Variants in UBE2Q2 observed in about 807,000 individuals in gnomAD.
UBE2Q2 encodes the protein ubiquitin-conjugating enzyme E2 Q2.
In UBE2Q2, 54 loss-of-function variants were observed where a neutral mutation model predicts 59.9. The observed-to-expected ratio is 0.90, with a 90% confidence interval of 0.72 to 1.13. The LOEUF is 1.13. UBE2Q2 is among the 50% of genes most tolerant of loss of function. The pLI is 0.00. For missense variants in UBE2Q2, 433 were observed against 441.9 expected, an observed-to-expected ratio of 0.98 and a Z score of 0.18; for synonymous variants, 165 against 155.2, an observed-to-expected ratio of 1.06 and a Z score of -0.47.
At chr15:75,867,411 T>C (rs1897556113) in intron 3 of UBE2Q2, among the ~76,000 whole-genome samples, 1 of 152,214 alleles carries the variant, frequency 6.6e-6, no homozygotes, top group Non-Finnish European at 1.5e-5. Context: ...GCAGTCTGAT[T>C]CCATCTCCTT....
chr15:75,852,393 T>A (rs903560208), intron 1 of UBE2Q2, among the ~76,000 whole-genome samples: 1 of 152,126 alleles, frequency 6.6e-6, no homozygotes, highest in Non-Finnish European at 1.5e-5. Context: ...GACCTGGGGG[T>A]CTGAGGTCCC....
Position 75,857,444 on chromosome 15 carries a change from C to T in UBE2Q2, c.283-2434C>T, listed in dbSNP as rs574488835. The stretch of plus-strand genomic sequence containing the variant: ...TTTACATGAAGGAGAAAACAACTCA[C>T]CTCCCACTCTTGCAGCCTCTGCCAG... On this transcript the variant is annotated intron_variant, in intron 2 of 12. Coordinates refer to ENST00000267938, the MANE Select transcript of UBE2Q2 (RefSeq NM_173469.4). Among the ~76,000 whole-genome samples, 6 of 152,282 alleles carry T rather than the reference C, an allele frequency of 3.9e-5. No homozygotes were observed. In the East Asian group the frequency reaches 1.2e-3, roughly 29 times the overall value.
Position 75,843,532 on chromosome 15 carries a change from A to T in UBE2Q2, c.-135A>T. 1 of 486,960 alleles carries T rather than the reference A, an allele frequency of 2.1e-6. No individual in the cohort carries two copies. Among genetic ancestry groups the T allele is most frequent in the Non-Finnish European group, 3.0e-6 (1 of 329,098 alleles). The allele number at this position is 486,960 out of a possible 1,614,324, so 30.2% of individuals were successfully genotyped here. On this transcript the variant is annotated 5_prime_UTR_variant, in exon 1 of 13. Transcript: ENST00000267938. ...CCTCGCCATTTTCCAGCAGCGCTCG[A>T]CGAGGCGGAGCCGCGAGAGCGCGGC...
chr15:75,844,228 G>GT, intron 1 of UBE2Q2: 1 of 1,480,084 alleles, frequency 6.8e-7, no homozygotes, highest in East Asian at 2.5e-5. Context: ...TCCGGCTGTT[G>GT]TTTGAGCCCA....
chr15:75,864,423 A>G (rs1897350479), intron 3 of UBE2Q2, among the ~76,000 whole-genome samples: 1 of 152,144 alleles, frequency 6.6e-6, no homozygotes, highest in Non-Finnish European at 1.5e-5. Context: ...TAAACATCCT[A>G]CAACACACAG....
intron 11 of UBE2Q2, among the ~76,000 whole-genome samples, chr15:75,891,402 A>T (rs1385526079): frequency 6.6e-6 from 1 of 151,970 alleles, no homozygotes; most frequent in Non-Finnish European, 1.5e-5. Context: ...TATAGAACTA[A>T]TTCCTGGTAA....
At chr15:75,844,207 G>A (rs1450846896) in intron 1 of UBE2Q2, 1 of 1,461,494 alleles carries the variant, frequency 6.8e-7, no homozygotes, top group African/African-American at 1.4e-5. Flanking sequence ...GGCGGGGCGG[G>A]GCGGCGCAGC....
At chr15:75,882,936 C>T (rs1333675248) in intron 8 of UBE2Q2, among the ~76,000 whole-genome samples, 2 of 151,990 alleles carry the variant, frequency 1.3e-5, no homozygotes, top group African/African-American at 4.8e-5. Flanking sequence ...AGCTTGTGAA[C>T]CTCTTCTTTT....
At chr15:75,843,982 G>T in intron 1 of UBE2Q2, 136 bp downstream of exon 1, 3 of 1,403,806 alleles carry the variant, frequency 2.1e-6, no homozygotes, top group Non-Finnish European at 2.8e-6. Context: ...TTTCCCCCGC[G>T]ACTTGCCCAT....
chr15:75,883,499 A>G (rs1898568342), intron 9 of UBE2Q2, 75 bp downstream of exon 9: 17 of 1,074,296 alleles, frequency 1.6e-5, no homozygotes, highest in Non-Finnish European at 2.4e-5. Context: ...ACGAGATCTC[A>G]CTATGTTGCC....
At chr15:75,850,311 T>C (rs1318054745) in intron 1 of UBE2Q2, among the ~76,000 whole-genome samples, 3 of 152,236 alleles carry the variant, frequency 2.0e-5, no homozygotes. Context: ...TCATCTCTTT[T>C]CTCCGATGCT....
intron 8 of UBE2Q2, among the ~76,000 whole-genome samples, chr15:75,881,880 G>A (rs137933994): frequency 2.0e-5 from 3 of 152,104 alleles, no homozygotes; most frequent in African/African-American, 7.2e-5. Context: ...ACTTTAAGAA[G>A]GGTCTATTTA....
At chr15:75,882,142 C>T (rs896964109) in intron 8 of UBE2Q2, among the ~76,000 whole-genome samples, 2 of 152,226 alleles carry the variant, frequency 1.3e-5, no homozygotes, top group African/African-American at 2.4e-5. Flanking sequence ...TGTGAGGAAG[C>T]GATTTGTAAC....
chr15:75,872,610 C>A (rs2460800), intron 4 of UBE2Q2, among the ~76,000 whole-genome samples: 29,111 of 145,602 alleles, frequency 0.2, 3,231 homozygotes, highest in Admixed American at 0.3. Context: ...GATCATAGCT[C>A]ACTGCAGCCT....
intron 1 of UBE2Q2, among the ~76,000 whole-genome samples, chr15:75,846,983 C>T (rs1421336633): frequency 6.6e-6 from 1 of 152,182 alleles, no homozygotes; most frequent in East Asian, 1.9e-4. Context: ...ATATGCCTGA[C>T]CATCCGTCAA....
intron 2 of UBE2Q2, among the ~76,000 whole-genome samples, chr15:75,859,391 A>G (rs1430896988): frequency 2.0e-5 from 3 of 152,206 alleles, no homozygotes; most frequent in Non-Finnish European, 4.4e-5. Context: ...CTAGATTGCC[A>G]GGCTCTGTCT....
rs983644936 is a variant in UBE2Q2 at position 75,869,983 on chromosome 15, T to C, written c.447+973T>C. 2.6e-5 allele frequency among the ~76,000 whole-genome samples: 4 copies of C among 152,342 alleles called. No homozygotes were observed. In the South Asian group the frequency reaches 6.2e-4, roughly 24 times the overall value. Reference sequence around the variant, plus strand: ...ATTTTTTTTTCTGTTTTGGGTCTTATAATTATGCTTTTATTTTCTTGATTT... The same window carrying C: ...ATTTTTTTTTCTGTTTTGGGTCTTACAATTATGCTTTTATTTTCTTGATTT... On this transcript the variant is annotated intron_variant, in intron 4 of 12. Coordinates refer to ENST00000267938, the MANE Select transcript of UBE2Q2 (RefSeq NM_173469.4).
chr15:75,844,621 A>G, intron 1 of UBE2Q2: 6 of 964,906 alleles, frequency 6.2e-6, no homozygotes, highest in Non-Finnish European at 9.0e-6. Context: ...ACACTTTTAA[A>G]AACTCACTCA....
intron 3 of UBE2Q2, among the ~76,000 whole-genome samples, chr15:75,860,261 A>C (rs768981782): frequency 6.6e-6 from 1 of 152,038 alleles, no homozygotes; most frequent in East Asian, 1.9e-4. Flanking sequence ...TGCTTCTTTC[A>C]TAGTTTGTCT....
Sources: allele counts gnomAD v4.1 joint callset (sites outside exome capture counted in the v4.1 genomes callset), GRCh38; gene constraint gnomAD v4.1.1; transcripts MANE v1.5; gene names NCBI Gene and HGNC (gene_info 2026-07-23, HGNC 2026-07-21).